TSG101: variants seen among roughly 807,000 people sequenced by gnomAD.
TSG101 encodes tumor susceptibility 101.
Under a neutral mutation model 48.5 loss-of-function variants are expected in TSG101, and 19 were observed. The ratio of observed to expected loss-of-function variants is 0.39; its 90% CI spans 0.27 to 0.58. The LOEUF is 0.58. Ranked by LOEUF, TSG101 falls within the 20% of genes least tolerant of loss-of-function variation. TSG101 has a pLI of 0.55. For missense variants in TSG101, 365 were observed against 484.4 expected (o/e 0.75, Z 2.31); for synonymous variants, 174 against 169.4 (o/e 1.03, Z -0.21).
At chr11:18,512,470 T>C (rs927229082) in intron 4 of TSG101, among the ~76,000 whole-genome samples, 3 of 152,320 alleles carry the variant, frequency 2.0e-5, no homozygotes, top group East Asian at 1.9e-4. Context: ...ATCACAACCA[T>C]TTTTAAGTCT....
At chr11:18,492,789 C>T (rs1849717999) in intron 7 of TSG101, among the ~76,000 whole-genome samples, 1 of 148,396 alleles carries the variant, frequency 6.7e-6, no homozygotes, top group Non-Finnish European at 1.5e-5. Context: ...GGAATTATAA[C>T]TAAGATCTGA....
rs1285682176 is a variant in TSG101, at chr11:18,516,037, TG to T, written c.193+61del. On this transcript the variant is annotated intron_variant, in intron 3 of 9. Coordinates refer to ENST00000251968, the MANE Select transcript of TSG101 (RefSeq NM_006292.4). ...TAGGTTTAATTTGGTTATAACTCTT[TG>T]GCAACATATTTATTATGTATTCAAA... 5.5e-6 allele frequency: 8 copies of T among 1,455,346 alleles called. No homozygotes were observed. The South Asian group carries it at 9.7e-5, about 18-fold the overall frequency. The allele number at this position is 1,455,346 out of a possible 1,614,324, so 90.2% of individuals were successfully genotyped here.
chr11:18,526,922 A>G lies in TSG101; in HGVS notation c.-106T>C. On this transcript the variant is annotated 5_prime_UTR_variant, in exon 1 of 10. Coordinates refer to ENST00000251968, the MANE Select transcript of TSG101 (RefSeq NM_006292.4). ...CACACCCCCAACCCGGCCTCAAACAACAGGAAGTCGGCACCACTACACCAC... is the reference window on the plus strand; with the variant it reads ...CACACCCCCAACCCGGCCTCAAACAGCAGGAAGTCGGCACCACTACACCAC... The G allele has an allele frequency of 7.7e-7, 1 of 1,292,124 alleles. No homozygotes were observed. The highest frequency in any genetic ancestry group is 1.1e-6 in the Non-Finnish European group (1 of 937,058). The allele number at this position is 1,292,124 out of a possible 1,614,324, so 80.0% of individuals were successfully genotyped here.
intron 1 of TSG101, among the ~76,000 whole-genome samples, chr11:18,525,334 C>T (rs1850351421): frequency 6.6e-6 from 1 of 151,968 alleles, no homozygotes; most frequent in Non-Finnish European, 1.5e-5. Context: ...TCACTGAGGT[C>T]TGGAGTTTAA....
At chr11:18,512,974 C>T (rs971125055) in intron 4 of TSG101, among the ~76,000 whole-genome samples, 3 of 151,910 alleles carry the variant, frequency 2.0e-5, no homozygotes, top group Admixed American at 2.0e-4. Context: ...GTGATCCTCC[C>T]GCCTCAGCCT....
chr11:18,508,305 T>C (rs182948570), intron 5 of TSG101, among the ~76,000 whole-genome samples: 31 of 148,764 alleles, frequency 2.1e-4, no homozygotes, highest in African/African-American at 6.9e-4. Flanking sequence ...CACTGCAACA[T>C]CTGCCTCAGC....
intron 7 of TSG101, 45 bp from the exon 8 acceptor site, chr11:18,484,117 C>T (rs1333021292): frequency 6.3e-7 from 1 of 1,599,848 alleles, no homozygotes; most frequent in African/African-American, 1.3e-5. Context: ...TTCCCAAGTT[C>T]CTTCTATTTG....
At chr11:18,499,403 T>TATATATATATATATATA (rs1554970813) in intron 7 of TSG101, among the ~76,000 whole-genome samples, 5 of 6,840 alleles carry the variant, frequency 7.3e-4, no homozygotes, top group South Asian at 7.1e-3. Flanking sequence ...TATATATATA[T>TATATATATATATATATA]TTTTTTTTTT....
chr11:18,524,127 C>T (rs1024515148), intron 1 of TSG101, among the ~76,000 whole-genome samples: 9 of 152,140 alleles, frequency 5.9e-5, no homozygotes, highest in Admixed American at 3.3e-4. Flanking sequence ...AGTGACTGTG[C>T]CTCTAGAAAT....
Position 18,509,800 on chromosome 11 carries a change from T to C in TSG101, c.358-135A>G, listed in dbSNP as rs186798909. 4 of 948,024 alleles carry C rather than the reference T, an allele frequency of 4.2e-6. No individual in the cohort carries two copies. In the Admixed American group the frequency reaches 1.3e-4, roughly 30 times the overall value. 58.7% of individuals were successfully genotyped at this position (948,024 alleles called of 1,614,324 possible). The stretch of plus-strand genomic sequence containing the variant: ...AGGACCCCAATCATGAAAATTTCAT[T>C]TAATTAATTTATTTTAATAGAGTTA... On this transcript the variant is annotated intron_variant, in intron 4 of 9. Transcript: ENST00000251968.
At chr11:18,500,113 G>A (rs778907106) in intron 7 of TSG101, among the ~76,000 whole-genome samples, 47 of 151,700 alleles carry the variant, frequency 3.1e-4, no homozygotes, top group Non-Finnish European at 5.4e-4. Flanking sequence ...GTCTTTCTGC[G>A]CCTAGTTTAT....
chr11:18,526,889 C>G lies in TSG101; in HGVS notation c.-73G>C. On this transcript the variant is annotated 5_prime_UTR_variant, in exon 1 of 10. Transcript: ENST00000251968. ...TGCTGGGCTGCCCCAGACCGTCCCA[C>G]ACAATCGCACACCCCCAACCCGGCC... is the stretch of plus-strand genomic sequence containing the variant. 3 of 1,509,830 alleles carry G rather than the reference C, an allele frequency of 2.0e-6. No homozygotes were observed. Among genetic ancestry groups the G allele is most frequent in the Non-Finnish European group, 1.8e-6 (2 of 1,116,894 alleles). 93.5% of individuals were successfully genotyped at this position (1,509,830 alleles called of 1,614,324 possible).
At chr11:18,498,928 T>C (rs964772596) in intron 7 of TSG101, among the ~76,000 whole-genome samples, 1 of 151,980 alleles carries the variant, frequency 6.6e-6, no homozygotes, top group Non-Finnish European at 1.5e-5. Context: ...AAGGAGGAAG[T>C]AACCAACTGT....
At chr11:18,489,537 G>A (rs1357531116) in intron 7 of TSG101, among the ~76,000 whole-genome samples, 3 of 152,226 alleles carry the variant, frequency 2.0e-5, no homozygotes, top group Non-Finnish European at 2.9e-5. Flanking sequence ...GTAACAAAGT[G>A]AACACACTGC....
At chr11:18,484,182 G>T in intron 7 of TSG101, 110 bp from the exon 8 acceptor site, 1 of 1,064,076 alleles carries the variant, frequency 9.4e-7, no homozygotes, top group Non-Finnish European at 1.4e-6. Context: ...TTCAAAATGT[G>T]AGGAAAGAAA....
rs766581720 is a variant in TSG101 at position 18,481,881 on chromosome 11, A to T, written c.844-12T>A. The T allele has an allele frequency of 5.0e-6, 8 of 1,611,768 alleles. No homozygotes were observed. In the South Asian group the frequency reaches 8.8e-5, roughly 18 times the overall value. On this transcript the variant is annotated splice_polypyrimidine_tract_variant and intron_variant, in intron 8 of 9. Transcript: ENST00000251968. Reference sequence around the variant, plus strand: ...TTATCAACCTCGGCCTGAAAACAGAACAGTCCAAGCATTAATAACTGTACA... The same window carrying T: ...TTATCAACCTCGGCCTGAAAACAGATCAGTCCAAGCATTAATAACTGTACA...
intron 1 of TSG101, among the ~76,000 whole-genome samples, chr11:18,520,874 T>C (rs574119953): frequency 3.2e-4 from 49 of 151,864 alleles, no homozygotes; most frequent in African/African-American, 1.2e-3. Context: ...CTACTAAAAA[T>C]ACAAAAATTA....
chr11:18,511,631 T>C (rs1337761919), intron 4 of TSG101, among the ~76,000 whole-genome samples: 1 of 152,190 alleles, frequency 6.6e-6, no homozygotes, highest in Non-Finnish European at 1.5e-5. Flanking sequence ...CTCATGCATG[T>C]AGGTGAAATA....
intron 7 of TSG101, among the ~76,000 whole-genome samples, chr11:18,495,770 G>A (rs11024683): frequency 0.16 from 24,677 of 150,828 alleles, 2,620 homozygotes; most frequent in East Asian, 0.42. Flanking sequence ...TATGTAAACT[G>A]AGGTTGAAGA....
Sources: allele counts gnomAD v4.1 joint callset (sites outside exome capture counted in the v4.1 genomes callset), GRCh38; gene constraint gnomAD v4.1.1; transcripts MANE v1.5; gene names NCBI Gene and HGNC (gene_info 2026-07-23, HGNC 2026-07-21).